EIF4E2: variants seen among roughly 807,000 people sequenced by gnomAD.
The protein encoded by EIF4E2 is eukaryotic translation initiation factor 4E type 2.
EIF4E2 carries 13 observed loss-of-function variants against 34.2 expected under a neutral mutation model. That is an observed-to-expected ratio of 0.38 (90% CI 0.25 to 0.60). EIF4E2 has a LOEUF of 0.60. Among genes scored for constraint, EIF4E2 ranks in the 20% least tolerant of loss-of-function variants. EIF4E2 has a pLI of 0.62. For missense variants in EIF4E2, 222 were observed against 315.1 expected, an observed-to-expected ratio of 0.70 and a Z score of 2.24; for synonymous variants, 100 against 106.6, an observed-to-expected ratio of 0.94 and a Z score of 0.38.
At chr2:232,557,831 T>C in intron 2 of EIF4E2, 53 bp from the exon 3 acceptor site, 1 of 1,595,736 alleles carries the variant, frequency 6.3e-7, no homozygotes, top group Non-Finnish European at 8.5e-7. Context: ...GTTCTCTCAG[T>C]CTCAGACCAC....
chr2:232,559,454 A>AAAT (rs1433032346), intron 3 of EIF4E2, among the ~76,000 whole-genome samples: 2 of 148,866 alleles, frequency 1.3e-5, no homozygotes, highest in Admixed American at 6.8e-5. Context: ...ATAAAAAAAT[A>AAAT]AAATAAAATG....
At chr2:232,560,046 C>T (rs1056633384) in intron 3 of EIF4E2, among the ~76,000 whole-genome samples, 3 of 152,044 alleles carry the variant, frequency 2.0e-5, no homozygotes, top group African/African-American at 7.2e-5. Context: ...GTCGAGGAGC[C>T]AGTATAATTG....
At chr2:232,553,592 G>T (rs1190450) in intron 1 of EIF4E2, among the ~76,000 whole-genome samples, 1 of 152,044 alleles carries the variant, frequency 6.6e-6, no homozygotes, top group South Asian at 2.1e-4. Flanking sequence ...CTAACTGCCT[G>T]AGTTTAGGGA....
intron 1 of EIF4E2, 136 bp downstream of exon 1, chr2:232,550,880 T>G: frequency 1.1e-6 from 1 of 913,732 alleles, no homozygotes; most frequent in Non-Finnish European, 1.6e-6. Flanking sequence ...GGACCTGGCC[T>G]GGACTGGCGG....
intron 3 of EIF4E2, among the ~76,000 whole-genome samples, chr2:232,559,825 A>T (rs921227399): frequency 1.4e-5 from 1 of 70,476 alleles, no homozygotes; most frequent in Non-Finnish European, 2.9e-5. Context: ...CGGGAGCATT[A>T]AAAAAAAAAA....
intron 3 of EIF4E2, among the ~76,000 whole-genome samples, chr2:232,560,472 A>G (rs368925095): frequency 1.6e-4 from 25 of 152,332 alleles, no homozygotes; most frequent in South Asian, 1.5e-3. Flanking sequence ...TAAACGCACA[A>G]GCAGCAAAAG....
chr2:232,552,860 G>T (rs1164487503), intron 1 of EIF4E2, among the ~76,000 whole-genome samples: 2 of 151,950 alleles, frequency 1.3e-5, no homozygotes, highest in African/African-American at 4.8e-5. Context: ...CAGCACTCCT[G>T]CCCCTAGTTT....
chr2:232,556,241 T>A (rs1692518691), intron 1 of EIF4E2, among the ~76,000 whole-genome samples, 175 bp from the exon 2 acceptor site: 1 of 152,242 alleles, frequency 6.6e-6, no homozygotes, highest in Non-Finnish European at 1.5e-5. Flanking sequence ...GGGTGTTTCG[T>A]TTTTGTTTAA....
exon 7 of EIF4E2, chr2:232,583,333 G>C (rs530817759): frequency 1.3e-5 from 2 of 153,200 alleles, no homozygotes; most frequent in African/African-American, 2.4e-5. Flanking sequence ...TTTTCTGTTT[G>C]AAATTGGCCC....
At chr2:232,574,129 G>C (rs1245653126), downstream of EIF4E2, 3 of 914,472 alleles carry the variant, frequency 3.3e-6, no homozygotes, top group Non-Finnish European at 5.3e-6. Context: ...TCGCTGCTCT[G>C]CTCCCAGGTA....
chr2:232,580,343 A>AG (rs577654726), intron 6 of EIF4E2, among the ~76,000 whole-genome samples: 238 of 152,206 alleles, frequency 1.6e-3, no homozygotes, highest in Non-Finnish European at 2.6e-3. Context: ...ATAAAAAGAA[A>AG]GGGGGGGAGA....
chr2:232,579,123 TACACACACACACAC>T (rs71056276), intron 6 of EIF4E2, among the ~76,000 whole-genome samples: 40 of 146,630 alleles, frequency 2.7e-4, no homozygotes, highest in South Asian at 1.8e-3. Flanking sequence ...AACTCAGAAA[TACACACACACACAC>T]ACACACACAC....
In EIF4E2 at chr2:232,567,886, T is replaced by A. The variant is rs912344284; in HGVS notation, c.665+672T>A. On this transcript the variant is annotated intron_variant, in intron 6 of 6. Coordinates refer to ENST00000258416, the MANE Select transcript of EIF4E2 (RefSeq NM_004846.4). ...AAGCTCAGGCTATTGTGAAAAAGTG[T>A]GGGGAGTGGCTGTCAGATTGTCTCA... 16 of 985,286 alleles carry A rather than the reference T, an allele frequency of 1.6e-5. No homozygotes were observed. The African/African-American group carries it at 2.6e-4, about 16-fold the overall frequency. 61.0% of individuals were successfully genotyped at this position (985,286 alleles called of 1,614,324 possible). A position where few individuals can be genotyped will look rare whatever the true frequency, so the allele number is the denominator to read the frequency against.
At chr2:232,556,267 C>T in intron 1 of EIF4E2, 149 bp from the exon 2 acceptor site, 1 of 612,366 alleles carries the variant, frequency 1.6e-6, no homozygotes, top group Non-Finnish European at 2.9e-6. Flanking sequence ...ATTTGCCTGT[C>T]TGTGTTATTT....
At chr2:232,573,305 TG>T (rs2106253970), downstream of EIF4E2, among the ~76,000 whole-genome samples, 1 of 152,354 alleles carries the variant, frequency 6.6e-6, no homozygotes, top group East Asian at 1.9e-4. Flanking sequence ...CTGGGTACTG[TG>T]TCACCAAATT....
chr2:232,556,597 T>C (rs1481580745), intron 2 of EIF4E2, 67 bp downstream of exon 2: 1 of 1,183,964 alleles, frequency 8.4e-7, no homozygotes, highest in Admixed American at 2.0e-5. Context: ...GTGGAATCTG[T>C]TTATCTGGAA....
intron 6 of EIF4E2, among the ~76,000 whole-genome samples, chr2:232,578,767 C>T (rs562977793): frequency 2.0e-5 from 3 of 152,188 alleles, no homozygotes; most frequent in African/African-American, 7.2e-5. Flanking sequence ...TAATGATTAC[C>T]CTGAAAATCC....
chr2:232,568,804 T>A, intron 6 of EIF4E2, 141 bp from the exon 7 acceptor site: 1 of 1,478,240 alleles, frequency 6.8e-7, no homozygotes, highest in South Asian at 1.4e-5. Flanking sequence ...CTCTGCTTTA[T>A]CCAGAGGTCT....
chr2:232,562,908 C>CGTG (rs1320036783), intron 3 of EIF4E2, among the ~76,000 whole-genome samples: 1 of 152,026 alleles, frequency 6.6e-6, no homozygotes, highest in African/African-American at 2.4e-5. Flanking sequence ...TGCCTTGAAG[C>CGTG]CCTATAGATG....
Sources: gnomAD v4.1 joint callset for allele counts (sites outside exome capture counted in the v4.1 genomes callset) on GRCh38, gnomAD v4.1.1 for gene constraint, MANE v1.5 for transcripts, NCBI Gene and HGNC (gene_info 2026-07-23, HGNC 2026-07-21) for gene names.